The following MYH15 variants were observed in gnomAD, a reference collection of about 807,000 sequenced individuals.
The protein encoded by MYH15 is myosin-15.
In MYH15, 227 loss-of-function variants were observed where a neutral mutation model predicts 240.5. The ratio of observed to expected loss-of-function variants is 0.94; its 90% CI spans 0.85 to 1.05. MYH15 has a LOEUF of 1.05. Among genes scored for constraint, MYH15 ranks in the 50% least tolerant of loss-of-function variants. The pLI is 0.00. For missense variants in MYH15, 2,217 were observed against 2,247.5 expected, an observed-to-expected ratio of 0.99 and a Z score of 0.27; for synonymous variants, 785 against 796.7, an observed-to-expected ratio of 0.99 and a Z score of 0.25.
At chr3:108,441,342 A>C in intron 22 of MYH15, 82 bp from the exon 23 acceptor site, 2 of 1,499,428 alleles carry the variant, frequency 1.3e-6, no homozygotes, top group Non-Finnish European at 1.8e-6. Context: ...ACACACAGCA[A>C]AGAGATAATT....
intron 14 of MYH15, among the ~76,000 whole-genome samples, chr3:108,469,393 A>G (rs748139567): frequency 6.6e-6 from 1 of 152,242 alleles, no homozygotes; most frequent in Non-Finnish European, 1.5e-5. Flanking sequence ...AGAAAGCCAC[A>G]GAAAGGACCA....
chr3:108,486,180 C>G (rs1365450771), intron 10 of MYH15, among the ~76,000 whole-genome samples: 1 of 152,128 alleles, frequency 6.6e-6, no homozygotes, highest in Non-Finnish European at 1.5e-5. Context: ...AAGATATACA[C>G]CAAATAAAAG....
intron 33 of MYH15, among the ~76,000 whole-genome samples, chr3:108,404,561 C>T (rs528774087): frequency 6.6e-6 from 1 of 152,330 alleles, no homozygotes; most frequent in East Asian, 1.9e-4. Context: ...GTAGGGACTG[C>T]TTTTATCCCC....
chr3:108,384,579 G>T, intron 39 of MYH15, 108 bp downstream of exon 39: 4 of 970,096 alleles, frequency 4.1e-6, no homozygotes, highest in South Asian at 3.0e-5. Flanking sequence ...ACTCTAAGCT[G>T]AGCAGGTCCT....
intron 30 of MYH15, among the ~76,000 whole-genome samples, chr3:108,412,318 C>T (rs903163033): frequency 1.3e-5 from 2 of 152,120 alleles, no homozygotes; most frequent in Non-Finnish European, 2.9e-5. Flanking sequence ...GGGCTTTCCC[C>T]TTTTTTATTC....
At chr3:108,391,483 C>T (rs971115422) in intron 37 of MYH15, among the ~76,000 whole-genome samples, 3 of 152,070 alleles carry the variant, frequency 2.0e-5, no homozygotes, top group African/African-American at 7.2e-5. Flanking sequence ...GGAGTGAGAG[C>T]CTGGAGCTGG....
chr3:108,383,747 A>AC lies in MYH15; in HGVS notation c.5632-19_5632-18insG, dbSNP rs756686160. 2 of 1,510,896 alleles carry AC rather than the reference A, an allele frequency of 1.3e-6. No homozygotes were observed. The highest frequency in any genetic ancestry group is 2.1e-5 in the African/African-American group (1 of 48,424). The allele number at this position is 1,510,896 out of a possible 1,614,324, so 93.6% of individuals were successfully genotyped here. A position where few individuals can be genotyped will look rare whatever the true frequency, so the allele number is the denominator to read the frequency against. On this transcript the variant is annotated intron_variant, in intron 39 of 40. Transcript: ENST00000693548. ...TGTGTTTCCTATAAAAATAAAAAAAAAAAAAAAGAAATCTCCATGCCTATA... is the reference window on the plus strand; with the variant it reads ...TGTGTTTCCTATAAAAATAAAAAAAACAAAAAAAGAAATCTCCATGCCTATA...
At chr3:108,501,681 T>C in intron 3 of MYH15, 31 bp downstream of exon 3, 1 of 1,612,612 alleles carries the variant, frequency 6.2e-7, no homozygotes, top group Non-Finnish European at 8.5e-7. Flanking sequence ...ACTGCCAACA[T>C]GACAGTTTAG....
chr3:108,492,357 ATTCAATTCCCTAAGTT>A (rs1206994580), intron 9 of MYH15, 127 bp downstream of exon 9: 10 of 498,928 alleles, frequency 2.0e-5, no homozygotes, highest in Admixed American at 1.6e-4. Context: ...TCTATAATTG[ATTCAATTCCCTAAGTT>A]TTAAGGATGA....
chr3:108,466,002 C>T (rs1436474866), intron 14 of MYH15, among the ~76,000 whole-genome samples: 1 of 152,132 alleles, frequency 6.6e-6, no homozygotes, highest in East Asian at 1.9e-4. Flanking sequence ...CTCTAAAGGA[C>T]CATATAGTTT....
At chr3:108,433,139 G>A (rs1190388387) in intron 25 of MYH15, among the ~76,000 whole-genome samples, 2 of 152,186 alleles carry the variant, frequency 1.3e-5, no homozygotes, top group Non-Finnish European at 2.9e-5. Flanking sequence ...AAGACAATGG[G>A]AACCTACCTC....
At chr3:108,414,150 T>C in intron 30 of MYH15, 82 bp downstream of exon 30, 3 of 1,430,380 alleles carry the variant, frequency 2.1e-6, no homozygotes, top group South Asian at 1.3e-5. Flanking sequence ...GTGCATACCA[T>C]GAGGCCTTGG....
chr3:108,455,819 A>G lies in MYH15; in HGVS notation c.2179T>C (p.Phe727Leu), dbSNP rs747564425. ...TCAGCTGCTTTTCTGCTGCTCACAA[A>G]CTTGCTCTTTGGAAAGGTCCTTGGA... ...LNPRTFPKSKFVSSRKAAEEL... is the reference protein window; with the variant it reads ...LNPRTFPKSKLVSSRKAAEEL... The change falls in exon 20 of 41, where the codon TTT becomes CTT. Residue 727 changes from phenylalanine (F) to leucine (L), a missense_variant. By Grantham distance (22) the Phe-to-Leu change is conservative. Coordinates refer to ENST00000693548, the MANE Select transcript of MYH15 (RefSeq NM_014981.3). 2 of 1,613,348 alleles carry G rather than the reference A, an allele frequency of 1.2e-6. No individual in the cohort carries two copies. Among genetic ancestry groups the G allele is most frequent in the East Asian group, 4.5e-5 (2 of 44,858 alleles).
chr3:108,533,694 T>G (rs1020263604), upstream of MYH15, among the ~76,000 whole-genome samples: 22 of 152,268 alleles, frequency 1.4e-4, no homozygotes, highest in Non-Finnish European at 2.6e-4. Flanking sequence ...ATGGAGGAAT[T>G]GGGGTTCTGT....
At chr3:108,546,603 TGAGATATCGA>T in the MYH15 span, among the ~76,000 whole-genome samples, 3 of 152,174 alleles carry the variant, frequency 2.0e-5, no homozygotes, top group Non-Finnish European at 4.4e-5. Flanking sequence ...CATCATATTT[TGAGATATCGA>T]GAGAATATAG....
chr3:108,520,179 T>C (rs914048214), intron 1 of MYH15, among the ~76,000 whole-genome samples: 2 of 152,182 alleles, frequency 1.3e-5, no homozygotes, highest in African/African-American at 4.8e-5. Context: ...GTAAAAGACA[T>C]ACATTCTCCA....
Position 108,476,441 on chromosome 3 carries a change from T to A in MYH15, c.1189A>T (p.Lys397Ter). ...CTGGTAACATATTCGTTACCAACTT[T>A]GATTCTAGGATGGATCAAGCACTTT... The part of the protein sequence containing the change: ...LVKCLIHPRI[K>*]VGNEYVTRGQ... The change falls in exon 12 of 41, where the codon AAA (lysine) becomes TAA (stop). Residue 397 changes from lysine (K) to a stop codon, truncating the protein, a stop_gained. Coordinates refer to ENST00000693548, the MANE Select transcript of MYH15 (RefSeq NM_014981.3). LOFTEE classifies it high-confidence loss of function. 3 of 1,613,362 alleles carry A rather than the reference T, an allele frequency of 1.9e-6. No individual in the cohort carries two copies. The highest frequency in any genetic ancestry group is 2.5e-6 in the Non-Finnish European group (3 of 1,179,446).
chr3:108,468,462 A>G (rs1240623422), intron 14 of MYH15, among the ~76,000 whole-genome samples: 2 of 152,336 alleles, frequency 1.3e-5, no homozygotes, highest in Non-Finnish European at 2.9e-5. Context: ...TTTGCTACAA[A>G]TCTTCTTCAG....
rs566964685 is a variant in MYH15 at position 108,422,476 on chromosome 3, A to G, written c.3703-1262T>C. Among the ~76,000 whole-genome samples, 407 of 152,268 alleles carry G rather than the reference A, an allele frequency of 2.7e-3. 7 individuals are homozygous for G. The highest frequency in any genetic ancestry group is 3.0e-3 in the Non-Finnish European group (204 of 68,012). On this transcript the variant is annotated intron_variant, in intron 27 of 40. Coordinates refer to ENST00000693548, the MANE Select transcript of MYH15 (RefSeq NM_014981.3). The stretch of plus-strand genomic sequence containing the variant: ...TGTGATCCACCCGCCTCAGCTTCCC[A>G]AAGTGCTGGGATTATAGGCGATCTT...
Sources: allele counts gnomAD v4.1 joint callset (sites outside exome capture counted in the v4.1 genomes callset), GRCh38; gene constraint gnomAD v4.1.1; transcripts MANE v1.5; gene names NCBI Gene and HGNC (gene_info 2026-07-23, HGNC 2026-07-21).